CTNND2: variants seen among roughly 807,000 people sequenced by gnomAD.
CTNND2 encodes catenin delta-2.
Under a neutral mutation model 144.4 loss-of-function variants are expected in CTNND2, and 22 were observed. That is an observed-to-expected ratio of 0.15 (90% CI 0.11 to 0.22). The LOEUF (loss-of-function observed/expected upper bound fraction) is 0.22. Among genes scored for constraint, CTNND2 ranks in the 10% least tolerant of loss-of-function variants. The pLI is 1.00. For missense variants in CTNND2, 1,353 were observed against 1,618.8 expected, an observed-to-expected ratio of 0.84 and a Z score of 2.82; for synonymous variants, 751 against 695.6, an observed-to-expected ratio of 1.08 and a Z score of -1.25.
intron 14 of CTNND2, among the ~76,000 whole-genome samples, chr5:11,103,621 G>T (rs1752131242): frequency 6.6e-6 from 1 of 151,928 alleles, no homozygotes. Flanking sequence ...AGTGGGCCAA[G>T]ATGGCGCCAT....
At chr5:11,775,842 AGATCATATTG>A (rs1280385824) in intron 1 of CTNND2, among the ~76,000 whole-genome samples, 1 of 152,206 alleles carries the variant, frequency 6.6e-6, no homozygotes, top group Admixed American at 6.5e-5. Flanking sequence ...AGTTAAAATG[AGATCATATTG>A]GATTAGAGTG....
intron 7 of CTNND2, among the ~76,000 whole-genome samples, chr5:11,373,657 C>A (rs948266191): frequency 4.6e-5 from 7 of 152,116 alleles, no homozygotes; most frequent in Non-Finnish European, 1.0e-4. Context: ...CAGGCTTCTC[C>A]AAGAAGCATC....
At chr5:11,805,444 G>A (rs2126896371) in intron 1 of CTNND2, among the ~76,000 whole-genome samples, 1 of 152,130 alleles carries the variant, frequency 6.6e-6, no homozygotes, top group Non-Finnish European at 1.5e-5. Context: ...TGGAAGAAAT[G>A]GCTGATCCTA....
chr5:11,839,296 G>A (rs1199529774), intron 1 of CTNND2, among the ~76,000 whole-genome samples: 1 of 151,972 alleles, frequency 6.6e-6, no homozygotes, highest in Non-Finnish European at 1.5e-5. Context: ...AATAAAGCAT[G>A]GGGCATGGAC....
At chr5:11,170,919 G>A (rs552627158) in intron 11 of CTNND2, among the ~76,000 whole-genome samples, 39 of 152,268 alleles carry the variant, frequency 2.6e-4, no homozygotes, top group African/African-American at 8.4e-4. Flanking sequence ...AGAGAATCAC[G>A]TGCAGGGGAA....
chr5:11,712,695 T>C (rs1431866671), intron 2 of CTNND2, among the ~76,000 whole-genome samples: 3 of 152,212 alleles, frequency 2.0e-5, no homozygotes, highest in African/African-American at 7.2e-5. Flanking sequence ...GTCACAAGGA[T>C]TGTTTTTGGA....
chr5:11,464,613 C>G (rs1260759016), intron 3 of CTNND2, among the ~76,000 whole-genome samples: 1 of 152,116 alleles, frequency 6.6e-6, no homozygotes, highest in Non-Finnish European at 1.5e-5. Flanking sequence ...AATTATTATG[C>G]TGATACTTAT....
At chr5:11,472,997 G>A (rs77535104) in intron 3 of CTNND2, among the ~76,000 whole-genome samples, 232 of 152,118 alleles carry the variant, frequency 1.5e-3, no homozygotes, top group African/African-American at 5.4e-3. Context: ...CTTGAACCTG[G>A]AGTAGGAGGT....
intron 14 of CTNND2, among the ~76,000 whole-genome samples, chr5:11,101,924 T>TG (rs56315636): frequency 1.3e-5 from 2 of 151,556 alleles, no homozygotes; most frequent in African/African-American, 4.9e-5. Flanking sequence ...TGTGTGTGTG[T>TG]TTACATCTTC....
At position 11,571,766 on chromosome 5, in the gene CTNND2, C is replaced by T. The variant is rs76330224; in HGVS notation, c.175-6710G>A. 5.5e-3 allele frequency among the ~76,000 whole-genome samples: 841 copies of T among 152,294 alleles called. 16 individuals carry two copies. The East Asian group carries it at 0.056, about 10-fold the overall frequency. On this transcript the variant is annotated intron_variant, in intron 2 of 21. Coordinates refer to ENST00000304623, the MANE Select transcript of CTNND2 (RefSeq NM_001332.4). ...CCATTCCCTTGGGTATAATAAGTCACTTCCCACTTTGTCCATCTACCTTCT... is the reference window on the plus strand; with the variant it reads ...CCATTCCCTTGGGTATAATAAGTCATTTCCCACTTTGTCCATCTACCTTCT...
At chr5:11,468,035 G>T (rs1191452915) in intron 3 of CTNND2, among the ~76,000 whole-genome samples, 1 of 152,136 alleles carries the variant, frequency 6.6e-6, no homozygotes, top group African/African-American at 2.4e-5. Context: ...TTTCAACTGG[G>T]GAGTTAAACG....
At position 11,236,594 on chromosome 5, in the gene CTNND2, A is replaced by G. The variant is rs1253256399; in HGVS notation, c.1761+97T>C. The G allele has an allele frequency of 5.3e-6, 7 of 1,314,868 alleles. No homozygotes were observed. The Admixed American group carries it at 1.5e-4, about 28-fold the overall frequency. The allele number at this position is 1,314,868 out of a possible 1,614,324, so 81.5% of individuals were successfully genotyped here. A position where few individuals can be genotyped will look rare whatever the true frequency, so the allele number is the denominator to read the frequency against. On this transcript the variant is annotated intron_variant, in intron 10 of 21. Transcript: ENST00000304623. ...TATAGATCTAAATTTTAAAAGCATA[A>G]CTTCAGTTCTCCTAATTCTTTTCCC...
intron 1 of CTNND2, among the ~76,000 whole-genome samples, chr5:11,836,148 T>C (rs1211952548): frequency 6.6e-6 from 1 of 152,154 alleles, no homozygotes. Context: ...AATCAACAAA[T>C]CACCACTCCA....
chr5:11,248,214 C>T (rs1248708743), intron 9 of CTNND2, among the ~76,000 whole-genome samples: 1 of 152,122 alleles, frequency 6.6e-6, no homozygotes, highest in Non-Finnish European at 1.5e-5. Flanking sequence ...GATTTAAGAA[C>T]ATTTGAGCAG....
chr5:11,007,153 T>C (rs1462373717), intron 18 of CTNND2, among the ~76,000 whole-genome samples: 2 of 152,094 alleles, frequency 1.3e-5, no homozygotes, highest in African/African-American at 4.8e-5. Flanking sequence ...TAAATATGCA[T>C]TGAAGGTACG....
In CTNND2 at chr5:11,616,549, T is replaced by TCC. The variant is rs1321525262; in HGVS notation, c.175-51494_175-51493insGG. On this transcript the variant is annotated intron_variant, in intron 2 of 21. Transcript: ENST00000304623. ...TTGCTTCCTTCCTTCCTTGCTTCCT[T>TCC]TCTCCCTCCCTCCCTCCTTCCCTTC... 6.1e-4 allele frequency among the ~76,000 whole-genome samples: 93 copies of TCC among 151,748 alleles called. 2 individuals are homozygous for TCC. The highest frequency in any genetic ancestry group is 1.8e-3 in the African/African-American group (75 of 41,384).
chr5:11,879,116 A>G (rs1735781247), intron 1 of CTNND2, among the ~76,000 whole-genome samples: 1 of 151,922 alleles, frequency 6.6e-6, no homozygotes, highest in South Asian at 2.1e-4. Flanking sequence ...ACCGCAGAAC[A>G]TGATTGCAGC....
intron 2 of CTNND2, among the ~76,000 whole-genome samples, chr5:11,623,816 A>ATG (rs1297056059): frequency 5.5e-5 from 3 of 54,960 alleles, no homozygotes; most frequent in Non-Finnish European, 1.2e-4. Flanking sequence ...ATGTATATAT[A>ATG]TATATATATA....
chr5:10,978,806 TA>T (rs1736838050), intron 21 of CTNND2, among the ~76,000 whole-genome samples: 2 of 152,242 alleles, frequency 1.3e-5, no homozygotes, highest in Admixed American at 1.3e-4. Flanking sequence ...AGGCTATGGC[TA>T]GGTGGTGTTC....
Sources: allele counts gnomAD v4.1 joint callset (sites outside exome capture counted in the v4.1 genomes callset), GRCh38; gene constraint gnomAD v4.1.1; transcripts MANE v1.5; gene names NCBI Gene and HGNC (gene_info 2026-07-23, HGNC 2026-07-21).